MAGI1: variants seen among roughly 807,000 people sequenced by gnomAD.
MAGI1 encodes membrane-associated guanylate kinase, WW and PDZ domain-containing protein 1.
MAGI1 carries 58 observed loss-of-function variants against 139.9 expected under a neutral mutation model. The observed-to-expected ratio is 0.41, with a 90% CI of 0.34 to 0.52. The LOEUF (loss-of-function observed/expected upper bound fraction) is 0.52. Ranked by LOEUF, MAGI1 falls within the 20% of genes least tolerant of loss-of-function variation. The pLI is 0.12. For missense variants in MAGI1, 1,874 were observed against 1,901.6 expected (o/e 0.99, Z 0.27); for synonymous variants, 812 against 737.9 (o/e 1.10, Z -1.63).
At chr3:66,012,240 G>A (rs1302509375) in intron 1 of MAGI1, among the ~76,000 whole-genome samples, 1 of 152,060 alleles carries the variant, frequency 6.6e-6, no homozygotes, top group South Asian at 2.1e-4. Flanking sequence ...TCTTGGACAA[G>A]TTATCAAGTA....
intron 1 of MAGI1, among the ~76,000 whole-genome samples, chr3:66,031,560 G>A (rs79164622): frequency 0.016 from 2,457 of 152,198 alleles, 72 homozygotes; most frequent in African/African-American, 0.056. Flanking sequence ...GGACAAGTGC[G>A]TTGTACGTCC....
At position 65,430,099 on chromosome 3, in the gene MAGI1, G is replaced by A. The variant is rs1342802662; in HGVS notation, c.1588C>T (p.His530Tyr). Residue 530 changes from histidine (H) to tyrosine (Y), a missense_variant, in exon 12 of 23, where the codon CAC (histidine) becomes TAC (tyrosine). By Grantham distance (83) the His-to-Tyr change is moderately conservative (BLOSUM62 2). Coordinates refer to ENST00000402939, the MANE Select transcript of MAGI1 (RefSeq NM_001033057.2). Reference sequence around the variant, plus strand: ...ATCTTCACAACTTGAGCATGTGTGTGTCCCAAAACACAGGTGTCATTCACA... The same window carrying A: ...ATCTTCACAACTTGAGCATGTGTGTATCCCAAAACACAGGTGTCATTCACA... ...VSVNDTCVLG[H>Y]THAQVVKIFQ... The A allele has an allele frequency of 6.2e-7, 1 of 1,613,566 alleles. No individual in the cohort carries two copies. Among genetic ancestry groups the A allele is most frequent in the Non-Finnish European group, 8.5e-7 (1 of 1,179,788 alleles).
At chr3:65,595,965 A>G (rs554285302) in intron 2 of MAGI1, among the ~76,000 whole-genome samples, 1 of 152,206 alleles carries the variant, frequency 6.6e-6, no homozygotes, top group East Asian at 1.9e-4. Context: ...GAAATGGAGG[A>G]ATCGAGTCTC....
At chr3:65,957,802 C>G (rs1164028535) in intron 1 of MAGI1, among the ~76,000 whole-genome samples, 3 of 151,996 alleles carry the variant, frequency 2.0e-5, no homozygotes, top group African/African-American at 7.2e-5. Context: ...GAGTTTTGCT[C>G]TTGTTGCCCA....
chr3:65,446,345 T>C (rs1948670107), intron 7 of MAGI1, among the ~76,000 whole-genome samples: 1 of 152,194 alleles, frequency 6.6e-6, no homozygotes, highest in Admixed American at 6.5e-5. Context: ...GTGAATAGCT[T>C]GTCTAAGTTT....
intron 17 of MAGI1, among the ~76,000 whole-genome samples, chr3:65,377,412 G>A (rs1942639128): frequency 6.6e-6 from 1 of 152,182 alleles, no homozygotes; most frequent in Admixed American, 6.5e-5. Flanking sequence ...CAAGGTATTA[G>A]GGAAAGTTTA....
chr3:65,470,787 CTCAAACTCTTAAACTAAGAAGGCCA>C (rs1290201430), intron 4 of MAGI1, among the ~76,000 whole-genome samples: 2 of 152,158 alleles, frequency 1.3e-5, no homozygotes, highest in Admixed American at 1.3e-4. Flanking sequence ...CAATTCATGA[CTCAAACTCTTAAACTAAGAAGGCCA>C]TCAAAACACA....
At chr3:65,980,561 T>C (rs1286052659) in intron 1 of MAGI1, among the ~76,000 whole-genome samples, 1 of 73,538 alleles carries the variant, frequency 1.4e-5, no homozygotes, top group African/African-American at 4.1e-5. Context: ...TGAGACTCCA[T>C]CTCAAAAAAA....
At chr3:65,806,853 C>G (rs769993749) in intron 1 of MAGI1, among the ~76,000 whole-genome samples, 3 of 152,130 alleles carry the variant, frequency 2.0e-5, no homozygotes, top group Non-Finnish European at 4.4e-5. Context: ...TTCCAAATGT[C>G]CCCCTTGAAG....
At chr3:65,593,375 T>C (rs2082050164) in intron 2 of MAGI1, among the ~76,000 whole-genome samples, 1 of 151,978 alleles carries the variant, frequency 6.6e-6, no homozygotes, top group Middle Eastern at 3.4e-3. Context: ...ATAATTCAGA[T>C]GCAAGGACTA....
At chr3:65,462,541 G>A (rs9968238) in intron 5 of MAGI1, among the ~76,000 whole-genome samples, 3 of 151,960 alleles carry the variant, frequency 2.0e-5, no homozygotes, top group Non-Finnish European at 4.4e-5. Flanking sequence ...ATAGTTTAAA[G>A]TCAGATAGCA....
At chr3:65,643,174 A>G (rs2085071970) in intron 1 of MAGI1, among the ~76,000 whole-genome samples, 1 of 152,140 alleles carries the variant, frequency 6.6e-6, no homozygotes, top group African/African-American at 2.4e-5. Flanking sequence ...TCAGCTCCTC[A>G]CCCACTTTTC....
At chr3:65,734,572 A>AGAGAGG (rs1473449737) in intron 1 of MAGI1, among the ~76,000 whole-genome samples, 1 of 148,538 alleles carries the variant, frequency 6.7e-6, no homozygotes, top group African/African-American at 2.5e-5. Context: ...AGAGAGAGGG[A>AGAGAGG]GAGAGAGAGA....
chr3:65,675,434 T>C (rs1177742644), intron 1 of MAGI1, among the ~76,000 whole-genome samples: 1 of 152,016 alleles, frequency 6.6e-6, no homozygotes, highest in Non-Finnish European at 1.5e-5. Context: ...GCCAGAAAAA[T>C]ACCACTTGAA....
intron 14 of MAGI1, chr3:65,387,022 C>T (rs1455262973): frequency 1.0e-5 from 8 of 798,678 alleles, no homozygotes; most frequent in Admixed American, 2.6e-5. Context: ...AAAGCACTTC[C>T]CTTCATGCCC....
At chr3:65,473,720 C>T (rs960157213) in intron 4 of MAGI1, among the ~76,000 whole-genome samples, 1 of 144,822 alleles carries the variant, frequency 6.9e-6, no homozygotes, top group African/African-American at 2.5e-5. Context: ...CTGGGAAAAT[C>T]TCTTAGTAAT....
chr3:65,671,042 T>C lies in MAGI1; in HGVS notation c.314-48954A>G, dbSNP rs140227739. On this transcript the variant is annotated intron_variant, in intron 1 of 22. Transcript: ENST00000402939. ...TATTTATCATAATACCTAATGCTTA[T>C]TGAGAATGTAGAATCAGCCATGCAA... Among the ~76,000 whole-genome samples, 42 of 152,328 alleles carry C rather than the reference T, an allele frequency of 2.8e-4. No individual in the cohort carries two copies. In the East Asian group the frequency reaches 6.0e-3, roughly 22 times the overall value.
chr3:65,988,640 G>A (rs1022192161), intron 1 of MAGI1, among the ~76,000 whole-genome samples: 29 of 152,172 alleles, frequency 1.9e-4, no homozygotes, highest in African/African-American at 6.5e-4. Flanking sequence ...TCCTTGAGTT[G>A]TAATTAGCAG....
chr3:65,963,299 G>GA (rs2064549891), intron 1 of MAGI1, among the ~76,000 whole-genome samples: 2 of 80,362 alleles, frequency 2.5e-5, no homozygotes, highest in Admixed American at 2.3e-4. Context: ...TCAACAGAGC[G>GA]AGACTCTGTC....
Sources: gnomAD v4.1 joint callset for allele counts (sites outside exome capture counted in the v4.1 genomes callset) on GRCh38, gnomAD v4.1.1 for gene constraint, MANE v1.5 for transcripts, NCBI Gene and HGNC (gene_info 2026-07-23, HGNC 2026-07-21) for gene names.